Variants in UNC13C observed in about 807,000 individuals in gnomAD.
UNC13C encodes unc-13 homolog C.
Under a neutral mutation model 245.4 loss-of-function variants are expected in UNC13C, and 174 were observed. That is an observed-to-expected ratio of 0.71 (90% confidence interval 0.63 to 0.80). UNC13C has a LOEUF of 0.80. Among genes scored for constraint, UNC13C ranks in the 30% least tolerant of loss-of-function variants. The pLI is 0.00. For synonymous variants in UNC13C, 992 were observed against 895.1 expected (o/e 1.11, Z -1.93); for missense variants, 2,829 against 2,602.9 (o/e 1.09, Z -1.89).
chr15:54,050,833 T>C (rs1897243033), intron 2 of UNC13C: 1 of 582,014 alleles, frequency 1.7e-6, no homozygotes, highest in Non-Finnish European at 3.4e-6. Context: ...AGCTTACTAA[T>C]TCTTGATGCT....
chr15:54,036,879 A>AT (rs373412944), intron 2 of UNC13C, among the ~76,000 whole-genome samples: 11 of 152,314 alleles, frequency 7.2e-5, no homozygotes, highest in Admixed American at 2.0e-4. Flanking sequence ...ACCTTCGGTG[A>AT]TTCAGTTGAG....
chr15:54,081,335 G>A (rs1009563088), intron 2 of UNC13C, among the ~76,000 whole-genome samples: 1 of 152,070 alleles, frequency 6.6e-6, no homozygotes, highest in Non-Finnish European at 1.5e-5. Flanking sequence ...TAAGTCCTGA[G>A]TTACTTTATT....
chr15:54,513,076 T>G (rs1164383645), intron 24 of UNC13C, among the ~76,000 whole-genome samples: 1 of 152,166 alleles, frequency 6.6e-6, no homozygotes, highest in East Asian at 1.9e-4. Flanking sequence ...TGTTAATGCT[T>G]TATGTAAAGT....
chr15:54,250,859 C>T (rs1263788427), intron 8 of UNC13C, among the ~76,000 whole-genome samples: 3 of 149,452 alleles, frequency 2.0e-5, no homozygotes, highest in African/African-American at 7.4e-5. Flanking sequence ...TGGGTTCACG[C>T]CATTCTCCGG....
In UNC13C at chr15:54,264,408, C is replaced by G. The variant is rs759744772; in HGVS notation, c.3676+13C>G. 2 of 1,549,832 alleles carry G rather than the reference C, an allele frequency of 1.3e-6. No homozygotes were observed. The highest frequency in any genetic ancestry group is 1.7e-6 in the Non-Finnish European group (2 of 1,143,084). On this transcript the variant is annotated intron_variant, in intron 9 of 32. Transcript: ENST00000260323. ...ATAACCATTACAGGTAAAAATAAGTCTTCTTAAAAATTTGTATTGTAAATT... is the reference window on the plus strand; with the variant it reads ...ATAACCATTACAGGTAAAAATAAGTGTTCTTAAAAATTTGTATTGTAAATT...
intron 19 of UNC13C, among the ~76,000 whole-genome samples, chr15:54,459,577 G>GT (rs886692566): frequency 3.3e-5 from 5 of 152,142 alleles, no homozygotes; most frequent in South Asian, 2.1e-4. Context: ...TTTCTTGGAA[G>GT]TTTTTTTCAT....
chr15:54,621,879 G>T (rs549834548), intron 30 of UNC13C, among the ~76,000 whole-genome samples: 46 of 152,196 alleles, frequency 3.0e-4, no homozygotes, highest in African/African-American at 1.0e-3. Flanking sequence ...TGCATGTGGG[G>T]CTCCCCTGGC....
chr15:54,137,436 A>G (rs1225335439), intron 2 of UNC13C, among the ~76,000 whole-genome samples: 1 of 152,282 alleles, frequency 6.6e-6, no homozygotes, highest in East Asian at 1.9e-4. Context: ...TTGGCACACA[A>G]TGAAGCTATC....
intron 2 of UNC13C, among the ~76,000 whole-genome samples, chr15:54,052,300 T>C (rs1398809512): frequency 7.1e-6 from 1 of 140,004 alleles, no homozygotes; most frequent in African/African-American, 2.7e-5. Flanking sequence ...CTGGGTCAAA[T>C]GGTATTTGTA....
chr15:54,404,091 A>T (rs923220624), intron 18 of UNC13C, among the ~76,000 whole-genome samples: 1 of 152,214 alleles, frequency 6.6e-6, no homozygotes, highest in African/African-American at 2.4e-5. Context: ...CAAAGGCTTA[A>T]TAAGTTTTAT....
the UNC13C span, among the ~76,000 whole-genome samples, chr15:53,926,765 A>G: frequency 0.13 from 19,876 of 152,204 alleles, 1,660 homozygotes; most frequent in East Asian, 0.33. Flanking sequence ...TAATGCCTGA[A>G]TGATTGGTGG....
intron 2 of UNC13C, among the ~76,000 whole-genome samples, chr15:54,046,752 T>TA (rs1375765995): frequency 6.6e-6 from 1 of 151,932 alleles, no homozygotes; most frequent in African/African-American, 2.4e-5. Context: ...AGAAAATATA[T>TA]AAACAGTACA....
chr15:54,076,113 T>TA lies in UNC13C; in HGVS notation c.2983+60227_2983+60228insA, dbSNP rs1566994163. Among the ~76,000 whole-genome samples the TA allele has an allele frequency of 1.1e-3, 144 of 128,436 alleles. 3 individuals are homozygous for TA. Among genetic ancestry groups the TA allele is most frequent in the South Asian group, 5.5e-4 (2 of 3,610 alleles). The allele number at this position is 128,436 out of a possible 152,430, so 84.3% of individuals were successfully genotyped here. A position where few individuals can be genotyped will look rare whatever the true frequency, so the allele number is the denominator to read the frequency against. On this transcript the variant is annotated intron_variant, in intron 2 of 32. Transcript: ENST00000260323. ...TCCCAGTATTCATATATATATATAT[T>TA]TTTTTTTATTATACTTTAAGTTTTA...
chr15:54,241,814 C>T (rs2035859004), intron 7 of UNC13C, among the ~76,000 whole-genome samples: 1 of 152,178 alleles, frequency 6.6e-6, no homozygotes, highest in South Asian at 2.1e-4. Flanking sequence ...AGTCTAATGC[C>T]TCCCTGCCCT....
intron 19 of UNC13C, among the ~76,000 whole-genome samples, chr15:54,470,123 G>T (rs1228011260): frequency 2.0e-5 from 3 of 151,522 alleles, no homozygotes; most frequent in African/African-American, 7.3e-5. Context: ...TGATCATGGT[G>T]TTCATTCTTT....
At position 54,331,959 on chromosome 15, in the gene UNC13C, A is replaced by G. The variant is rs537278170; in HGVS notation, c.4426-84A>G. ...ATATTTGATCCTTCCTTTCTATAAA[A>G]TAGAGACAAAACTCAGAATTATTAT... is the stretch of plus-strand genomic sequence containing the variant. On this transcript the variant is annotated intron_variant, in intron 14 of 32. Transcript: ENST00000260323. 109 of 841,444 alleles carry G rather than the reference A, an allele frequency of 1.3e-4. 1 individual carries two copies. In the Middle Eastern group the frequency reaches 6.5e-3, roughly 50 times the overall value. 52.1% of individuals were successfully genotyped at this position (841,444 alleles called of 1,614,324 possible).
intron 1 of UNC13C, among the ~76,000 whole-genome samples, chr15:53,990,167 C>G (rs985453274): frequency 6.6e-6 from 1 of 151,990 alleles, no homozygotes; most frequent in African/African-American, 2.4e-5. Context: ...TTAAAACATA[C>G]TCTCTTAAAG....
At chr15:54,384,676 G>T (rs2039798683) in intron 17 of UNC13C, among the ~76,000 whole-genome samples, 1 of 151,936 alleles carries the variant, frequency 6.6e-6, no homozygotes, top group Non-Finnish European at 1.5e-5. Flanking sequence ...CCATAGTAAA[G>T]TTAAAAGCTT....
chr15:54,076,336 C>T (rs1411571325), intron 2 of UNC13C, among the ~76,000 whole-genome samples: 2 of 145,080 alleles, frequency 1.4e-5, no homozygotes, highest in Non-Finnish European at 3.0e-5. Flanking sequence ...TCATTTCCCA[C>T]CTATGAGTGA....
Sources: gnomAD v4.1 joint callset for allele counts (sites outside exome capture counted in the v4.1 genomes callset) on GRCh38, gnomAD v4.1.1 for gene constraint, MANE v1.5 for transcripts, NCBI Gene and HGNC (gene_info 2026-07-23, HGNC 2026-07-21) for gene names.